Variants in PTPRD observed in about 807,000 individuals in gnomAD.
PTPRD encodes protein tyrosine phosphatase receptor type D, also known as receptor-type tyrosine-protein phosphatase delta.
Under a neutral mutation model 214.5 loss-of-function variants are expected in PTPRD, and 34 were observed. The ratio of observed to expected loss-of-function variants is 0.16; its 90% CI spans 0.12 to 0.21. The LOEUF (loss-of-function observed/expected upper bound fraction) is 0.21, where lower values mean the gene tolerates loss of function less well. PTPRD is among the 10% of genes least tolerant of loss of function. The pLI is 1.00. For missense variants in PTPRD, 2,545 were observed against 2,398.7 expected, an observed-to-expected ratio of 1.06 and a Z score of -1.27; for synonymous variants, 1,128 against 845.7, an observed-to-expected ratio of 1.33 and a Z score of -5.79.
intron 14 of PTPRD, among the ~76,000 whole-genome samples, chr9:8,605,826 C>T (rs949642739): frequency 6.6e-6 from 1 of 152,136 alleles, no homozygotes; most frequent in African/African-American, 2.4e-5. Flanking sequence ...GCATACTCTA[C>T]TTACTAGGGA....
chr9:10,511,973 TG>T (rs2048319402), intron 2 of PTPRD, among the ~76,000 whole-genome samples: 1 of 90,938 alleles, frequency 1.1e-5, no homozygotes, highest in Non-Finnish European at 2.3e-5. Context: ...TATACGTGTG[TG>T]TGTATATATA....
chr9:10,546,854 G>C (rs1055252066), intron 2 of PTPRD, among the ~76,000 whole-genome samples: 1 of 152,004 alleles, frequency 6.6e-6, no homozygotes, highest in Non-Finnish European at 1.5e-5. Flanking sequence ...GGGAAAAATA[G>C]AAAATTCCCC....
At chr9:10,497,345 G>A (rs1555483) in intron 2 of PTPRD, among the ~76,000 whole-genome samples, 102,327 of 151,584 alleles carry the variant, frequency 0.68, 36,696 homozygotes, top group Middle Eastern at 0.83. Context: ...CTTTTATCAC[G>A]TGACATATAC....
chr9:9,993,436 G>T (rs1031897075), intron 4 of PTPRD, among the ~76,000 whole-genome samples: 39 of 152,074 alleles, frequency 2.6e-4, no homozygotes, highest in Non-Finnish European at 4.6e-4. Flanking sequence ...GATAAGTAGT[G>T]GTGAGATGAT....
chr9:10,084,186 G>GA (rs1376795207), intron 3 of PTPRD, among the ~76,000 whole-genome samples: 28 of 151,938 alleles, frequency 1.8e-4, no homozygotes, highest in African/African-American at 5.3e-4. Context: ...TGTTTTGTTA[G>GA]AAAAAATGAT....
At chr9:8,656,850 A>G (rs1022365426) in intron 12 of PTPRD, among the ~76,000 whole-genome samples, 3 of 152,210 alleles carry the variant, frequency 2.0e-5, no homozygotes, top group Non-Finnish European at 2.9e-5. Flanking sequence ...AAACTAGCTG[A>G]TATGTCATAA....
At chr9:9,683,137 C>G (rs905056693) in intron 7 of PTPRD, among the ~76,000 whole-genome samples, 1 of 151,764 alleles carries the variant, frequency 6.6e-6, no homozygotes, top group Admixed American at 6.6e-5. Context: ...TCTTTTTCAA[C>G]AAATTGGTGG....
Position 8,507,412 on chromosome 9 carries a change from G to T in PTPRD, c.1566C>A (p.Phe522Leu). The T allele has an allele frequency of 6.2e-7, 1 of 1,613,976 alleles. No individual in the cohort carries two copies. The highest frequency in any genetic ancestry group is 8.5e-7 in the Non-Finnish European group (1 of 1,179,858). The change falls in exon 22 of 46, where the codon TTC (phenylalanine) becomes TTA (leucine). Residue 522 changes from phenylalanine (F) to leucine (L), a missense_variant. By Grantham distance (22) the Phe-to-Leu change is conservative. Transcript: ENST00000381196. The stretch of plus-strand genomic sequence containing the variant: ...TTGTTTCAGACTCAGGTTCTGCTTT[G>T]AAGTTTAGTGGCTGCCCTGGTACTA... The part of the protein sequence containing the change: ...QTGVPGQPLN[F>L]KAEPESETSI...
At chr9:8,862,030 G>C (rs2098115690) in intron 11 of PTPRD, 1 of 152,098 alleles carries the variant, frequency 6.6e-6, no homozygotes, top group African/African-American at 2.4e-5. Context: ...TTTCTCAGTA[G>C]CTTGCTTTGG....
intron 26 of PTPRD, among the ~76,000 whole-genome samples, chr9:8,496,986 G>C (rs2097289409): frequency 6.6e-6 from 1 of 152,158 alleles, no homozygotes. Context: ...ACTGTCACAA[G>C]GCAGAGTTAG....
At position 10,312,476 on chromosome 9, in the gene PTPRD, A is replaced by G. The variant is rs115647489; in HGVS notation, c.-545+28487T>C. Reference sequence around the variant, plus strand: ...TTGTTGGATTAGAAACGGATTTTCAATAGGAAAACTCTAATAAGGTATTTT... The same window carrying G: ...TTGTTGGATTAGAAACGGATTTTCAGTAGGAAAACTCTAATAAGGTATTTT... On this transcript the variant is annotated intron_variant, in intron 3 of 45. Transcript: ENST00000381196. Among the ~76,000 whole-genome samples, 278 of 152,114 alleles carry G rather than the reference A, an allele frequency of 1.8e-3. 3 individuals carry two copies. Among genetic ancestry groups the G allele is most frequent in the African/African-American group, 5.2e-3 (218 of 41,550 alleles).
intron 3 of PTPRD, among the ~76,000 whole-genome samples, chr9:10,259,210 G>C (rs535555156): frequency 6.6e-6 from 1 of 151,904 alleles, no homozygotes; most frequent in Non-Finnish European, 1.5e-5. Context: ...ATTTTTAGTA[G>C]AGAAGGGGTT....
chr9:8,487,489 G>A (rs1309142213), intron 27 of PTPRD, among the ~76,000 whole-genome samples: 3 of 152,134 alleles, frequency 2.0e-5, no homozygotes, highest in Non-Finnish European at 4.4e-5. Flanking sequence ...CAGCACTTTG[G>A]GAGCTGAGGT....
intron 34 of PTPRD, among the ~76,000 whole-genome samples, chr9:8,441,230 T>A (rs963512552): frequency 6.6e-6 from 1 of 152,290 alleles, no homozygotes; most frequent in Middle Eastern, 3.4e-3. Flanking sequence ...TTCTTTACTA[T>A]GTGAAAAACA....
chr9:9,086,946 G>A (rs2099767929), intron 10 of PTPRD, among the ~76,000 whole-genome samples: 1 of 152,148 alleles, frequency 6.6e-6, no homozygotes, highest in African/African-American at 2.4e-5. Context: ...CCATGGGGAA[G>A]AGAAGAAAAG....
chr9:8,331,502 A>G (rs1841036871), intron 44 of PTPRD, 80 bp downstream of exon 44: 2 of 1,504,798 alleles, frequency 1.3e-6, no homozygotes, highest in Admixed American at 2.0e-5. Flanking sequence ...TCAAATAAGC[A>G]AACTTACTAC....
intron 2 of PTPRD, among the ~76,000 whole-genome samples, chr9:10,356,592 C>G (rs932406005): frequency 6.6e-6 from 1 of 152,084 alleles, no homozygotes; most frequent in African/African-American, 2.4e-5. Flanking sequence ...GAACATAATG[C>G]GTTTTTACCT....
chr9:8,983,857 C>T (rs1567398921), intron 11 of PTPRD, among the ~76,000 whole-genome samples: 1 of 151,902 alleles, frequency 6.6e-6, no homozygotes, highest in Non-Finnish European at 1.5e-5. Flanking sequence ...ACTATCTAAT[C>T]TAGGTATTAT....
chr9:9,360,289 G>C (rs954875072), intron 9 of PTPRD, among the ~76,000 whole-genome samples: 3 of 150,834 alleles, frequency 2.0e-5, no homozygotes, highest in African/African-American at 4.8e-5. Flanking sequence ...AGCCATAAGA[G>C]AGAAACAATA....
Sources: allele counts gnomAD v4.1 joint callset (sites outside exome capture counted in the v4.1 genomes callset), GRCh38; gene constraint gnomAD v4.1.1; transcripts MANE v1.5; gene names NCBI Gene and HGNC (gene_info 2026-07-23, HGNC 2026-07-21).